The following ALCAM variants were observed in gnomAD, a reference collection of about 807,000 sequenced individuals.
ALCAM encodes the protein CD166 antigen.
In ALCAM, 30 loss-of-function variants were observed where a neutral mutation model predicts 70.9. That is an observed-to-expected ratio of 0.42 (90% CI 0.32 to 0.57). The LOEUF (loss-of-function observed/expected upper bound fraction) is 0.57. Ranked by LOEUF, ALCAM falls within the 20% of genes least tolerant of loss-of-function variation. The probability of loss-of-function intolerance (pLI) is 0.11; values close to 1 mark genes in which losing one functional copy is unlikely to be tolerated. For synonymous variants in ALCAM, 249 were observed against 242.5 expected (o/e 1.03, Z -0.25); for missense variants, 591 against 695.1 (o/e 0.85, Z 1.68).
At chr3:105,435,709 T>C (rs1024503066) in intron 1 of ALCAM, among the ~76,000 whole-genome samples, 2 of 152,254 alleles carry the variant, frequency 1.3e-5, no homozygotes, top group Non-Finnish European at 2.9e-5. Context: ...TTACCATTGC[T>C]TCACTTGTGT....
intron 1 of ALCAM, among the ~76,000 whole-genome samples, chr3:105,468,256 A>G (rs1225769709): frequency 1.3e-5 from 2 of 151,302 alleles, no homozygotes; most frequent in Non-Finnish European, 3.0e-5. Context: ...TAATTATACA[A>G]TATGTAATAA....
intron 3 of ALCAM, chr3:105,525,478 T>C: frequency 2.1e-6 from 1 of 466,460 alleles, no homozygotes; most frequent in Non-Finnish European, 2.8e-6. Context: ...AGTCTTTCAG[T>C]CTTTTTTAAT....
chr3:105,525,203 G>A (rs1327972031), intron 3 of ALCAM: 3 of 985,014 alleles, frequency 3.0e-6, no homozygotes, highest in East Asian at 1.1e-4. Flanking sequence ...GATACACCAA[G>A]GGGAGAAAGT....
intron 1 of ALCAM, among the ~76,000 whole-genome samples, chr3:105,389,295 G>T (rs1259589604): frequency 1.3e-5 from 2 of 148,230 alleles, no homozygotes; most frequent in Non-Finnish European, 3.0e-5. Flanking sequence ...AACAGTGTGT[G>T]GTATGTTTGC....
intron 1 of ALCAM, among the ~76,000 whole-genome samples, chr3:105,456,319 T>C (rs991967210): frequency 6.6e-6 from 1 of 152,192 alleles, no homozygotes; most frequent in Non-Finnish European, 1.5e-5. Context: ...CCAAGAACAG[T>C]TGCGGACTAA....
intron 1 of ALCAM, among the ~76,000 whole-genome samples, chr3:105,479,525 A>T (rs553349030): frequency 3.3e-5 from 5 of 152,260 alleles, no homozygotes; most frequent in Admixed American, 3.3e-4. Context: ...AGCAAATGGA[A>T]CATATGAATT....
rs779716528 is a variant in ALCAM, at chr3:105,571,885, T to C, written c.1698T>C (p.Gly566=). The change falls in exon 15 of 16, where the codon GGT becomes GGC. Residue 566 remains glycine (G), a synonymous_variant. Transcript: ENST00000306107. ...CAAAACATGTAAACAAGGACCTCGG[T>C]AATATGGAAGAAAACAAAAAGTTAG... is the stretch of plus-strand genomic sequence containing the variant. The part of the protein sequence containing the change: ...TASKHVNKDL[G]NMEENKKLEE... 4 of 1,613,426 alleles carry C rather than the reference T, an allele frequency of 2.5e-6. No individual in the cohort carries two copies. The highest frequency in any genetic ancestry group is 2.2e-5 in the South Asian group (2 of 91,032).
intron 1 of ALCAM, among the ~76,000 whole-genome samples, chr3:105,396,437 G>C (rs889478918): frequency 1.3e-5 from 2 of 152,006 alleles, no homozygotes; most frequent in African/African-American, 4.8e-5. Context: ...CACAGGGATT[G>C]ATTGGGCAAT....
intron 4 of ALCAM, 88 bp from the exon 5 acceptor site, chr3:105,533,515 T>A (rs1939895325): frequency 9.2e-7 from 1 of 1,081,478 alleles, no homozygotes; most frequent in Non-Finnish European, 1.4e-6. Flanking sequence ...ACCCTTGGAA[T>A]AACTCTGCAT....
At chr3:105,556,635 G>A (rs1940523803) in intron 14 of ALCAM, among the ~76,000 whole-genome samples, 2 of 151,910 alleles carry the variant, frequency 1.3e-5, no homozygotes, top group South Asian at 4.1e-4. Context: ...ACAATGTTAT[G>A]TTAACATTGT....
intron 1 of ALCAM, among the ~76,000 whole-genome samples, chr3:105,517,113 A>G (rs1939402500): frequency 6.6e-6 from 1 of 152,080 alleles, no homozygotes; most frequent in Admixed American, 6.6e-5. Context: ...GTAATTTATC[A>G]CCAAATCACC....
rs141379135 is a variant in ALCAM, at chr3:105,565,005, G to A, written c.1665-6847G>A. On this transcript the variant is annotated intron_variant, in intron 14 of 15. Coordinates refer to ENST00000306107, the MANE Select transcript of ALCAM (RefSeq NM_001627.4). Reference sequence around the variant, plus strand: ...AGATTACACCACTGCACTCCAGCCCGGGCAACAGAGCAAGACTCTGTCTGG... The same window carrying A: ...AGATTACACCACTGCACTCCAGCCCAGGCAACAGAGCAAGACTCTGTCTGG... 4.5e-4 allele frequency among the ~76,000 whole-genome samples: 68 copies of A among 152,194 alleles called. 3 individuals carry two copies. The highest frequency in any genetic ancestry group is 1.6e-3 in the African/African-American group (65 of 41,526).
intron 8 of ALCAM, chr3:105,544,795 T>G: frequency 5.7e-6 from 1 of 174,332 alleles, no homozygotes; most frequent in South Asian, 1.3e-4. Flanking sequence ...TATCTCATGG[T>G]TTTTCAATTT....
chr3:105,513,625 A>G (rs533385757), intron 1 of ALCAM, among the ~76,000 whole-genome samples: 4 of 152,066 alleles, frequency 2.6e-5, no homozygotes, highest in African/African-American at 9.6e-5. Context: ...ATCTGCATAT[A>G]TTCTGATTTA....
chr3:105,456,989 T>C (rs1937542245), intron 1 of ALCAM, among the ~76,000 whole-genome samples: 1 of 152,184 alleles, frequency 6.6e-6, no homozygotes, highest in African/African-American at 2.4e-5. Flanking sequence ...TTAGGAGTGA[T>C]CATCATGACT....
At chr3:105,532,907 G>A (rs1372327753) in intron 4 of ALCAM, among the ~76,000 whole-genome samples, 2 of 152,130 alleles carry the variant, frequency 1.3e-5, no homozygotes, top group Non-Finnish European at 2.9e-5. Flanking sequence ...GTAAAGAGGT[G>A]AGATCAGATT....
At chr3:105,372,269 A>G (rs747123061) in intron 1 of ALCAM, among the ~76,000 whole-genome samples, 12 of 152,234 alleles carry the variant, frequency 7.9e-5, no homozygotes, top group Middle Eastern at 3.4e-3. Flanking sequence ...TCCCTATAGT[A>G]CGTAAGTCAT....
At chr3:105,540,827 A>G in intron 7 of ALCAM, among the ~76,000 whole-genome samples, 1 of 152,032 alleles carries the variant, frequency 6.6e-6, no homozygotes, top group Non-Finnish European at 1.5e-5. Flanking sequence ...CTACCACAGT[A>G]CTCAATAGTA....
intron 1 of ALCAM, among the ~76,000 whole-genome samples, chr3:105,413,484 G>T (rs1163161691): frequency 6.6e-6 from 1 of 152,070 alleles, no homozygotes; most frequent in African/African-American, 2.4e-5. Context: ...TTGTGCTGTA[G>T]GCTAGAATAT....
Sources: allele counts gnomAD v4.1 joint callset (sites outside exome capture counted in the v4.1 genomes callset), GRCh38; gene constraint gnomAD v4.1.1; transcripts MANE v1.5; gene names NCBI Gene and HGNC (gene_info 2026-07-23, HGNC 2026-07-21).